The following CDH4 variants were observed in gnomAD, a reference collection of about 807,000 sequenced individuals.
CDH4 encodes cadherin 4, also known as cadherin-4.
In CDH4, 33 loss-of-function variants were observed where a neutral mutation model predicts 86.0. The observed-to-expected ratio is 0.38, with a 90% CI of 0.29 to 0.51. CDH4 has a LOEUF of 0.51. Among genes scored for constraint, CDH4 ranks in the 20% least tolerant of loss-of-function variants. The pLI is 0.86. For synonymous variants in CDH4, 555 were observed against 549.4 expected, an observed-to-expected ratio of 1.01 and a Z score of -0.14; for missense variants, 1,114 against 1,307.4, an observed-to-expected ratio of 0.85 and a Z score of 2.28.
chr20:61,630,783 G>A (rs899101338), intron 2 of CDH4, among the ~76,000 whole-genome samples: 1 of 152,218 alleles, frequency 6.6e-6, no homozygotes, highest in African/African-American at 2.4e-5. Flanking sequence ...GACTCTCTGG[G>A]TAGAAATAGG....
At chr20:61,772,835 G>A (rs1203034608) in intron 3 of CDH4, among the ~76,000 whole-genome samples, 168 bp from the exon 4 acceptor site, 1 of 150,288 alleles carries the variant, frequency 6.7e-6, no homozygotes, top group Non-Finnish European at 1.5e-5. Flanking sequence ...TTCCCTAATA[G>A]TTCCTTTCCC....
chr20:61,790,887 C>G (rs545426242), intron 4 of CDH4, among the ~76,000 whole-genome samples: 2 of 152,038 alleles, frequency 1.3e-5, no homozygotes, highest in African/African-American at 4.8e-5. Context: ...ATCCTTCCAC[C>G]CACCTACCAT....
intron 4 of CDH4, among the ~76,000 whole-genome samples, chr20:61,809,989 G>C (rs530499049): frequency 6.6e-6 from 1 of 152,160 alleles, no homozygotes; most frequent in Non-Finnish European, 1.5e-5. Flanking sequence ...GAAGACCATC[G>C]TATCAGTTGG....
At chr20:61,362,676 A>C (rs1241649081) in intron 2 of CDH4, among the ~76,000 whole-genome samples, 2 of 152,104 alleles carry the variant, frequency 1.3e-5, no homozygotes, top group African/African-American at 4.8e-5. Flanking sequence ...GTGAAGACAC[A>C]TCACAGTCCT....
chr20:61,365,992 G>A (rs28371775), intron 2 of CDH4, among the ~76,000 whole-genome samples: 122,579 of 152,148 alleles, frequency 0.81, 49,452 homozygotes, highest in South Asian at 0.9. Context: ...ACCCAAATGC[G>A]GAATTAGACA....
chr20:61,577,721 T>A (rs1047879796), intron 2 of CDH4, among the ~76,000 whole-genome samples: 1 of 152,072 alleles, frequency 6.6e-6, no homozygotes, highest in Non-Finnish European at 1.5e-5. Flanking sequence ...GATGCTTGCA[T>A]TGGAGGGAGA....
At chr20:61,828,763 T>C (rs776446504) in intron 4 of CDH4, among the ~76,000 whole-genome samples, 100 of 152,238 alleles carry the variant, frequency 6.6e-4, no homozygotes, top group Admixed American at 8.5e-4. Context: ...TCCTCACTTA[T>C]AAGCTAGGCA....
At position 61,544,404 on chromosome 20, in the gene CDH4, A is replaced by G. The variant is rs971087975; in HGVS notation, c.170-199159A>G. Among the ~76,000 whole-genome samples, 2 of 151,590 alleles carry G rather than the reference A, an allele frequency of 1.3e-5. No homozygotes were observed. The highest frequency in any genetic ancestry group is 4.8e-5 in the African/African-American group (2 of 41,276). On this transcript the variant is annotated intron_variant, in intron 2 of 15. Coordinates refer to ENST00000614565, the MANE Select transcript of CDH4 (RefSeq NM_001794.5). This position sits in a 1 kb window ranked among gnomAD's most constrained non-coding sequence, Gnocchi z 6.5. ...TAGAAATCCAGCTTGCCCAGGAGAG[A>G]GGGGTGGGACTCCTGGTGTTCACTT...
intron 2 of CDH4, among the ~76,000 whole-genome samples, chr20:61,460,945 T>G (rs1028907): frequency 3.9e-5 from 6 of 151,930 alleles, no homozygotes; most frequent in East Asian, 3.9e-4. Flanking sequence ...CATCAGCCCC[T>G]GTTAGGGCAG....
chr20:61,471,487 A>ATT (rs536207733), intron 2 of CDH4, among the ~76,000 whole-genome samples: 10 of 124,740 alleles, frequency 8.0e-5, no homozygotes, highest in African/African-American at 2.4e-4. Context: ...CATTTCATTG[A>ATT]TTTTTTTTGT....
intron 3 of CDH4, among the ~76,000 whole-genome samples, chr20:61,746,926 G>C (rs1052283729): frequency 8.5e-5 from 13 of 152,212 alleles, no homozygotes; most frequent in African/African-American, 2.9e-4. Flanking sequence ...CTTACAGAGC[G>C]TGATGCCAGC....
At chr20:61,514,135 TC>T (rs2085800093) in intron 2 of CDH4, among the ~76,000 whole-genome samples, 1 of 152,158 alleles carries the variant, frequency 6.6e-6, no homozygotes, top group Non-Finnish European at 1.5e-5. Flanking sequence ...GGCTGACAGG[TC>T]ATAGGTGGAT....
intron 2 of CDH4, among the ~76,000 whole-genome samples, chr20:61,391,377 G>A (rs906325141): frequency 1.3e-5 from 2 of 152,146 alleles, no homozygotes; most frequent in Non-Finnish European, 2.9e-5. Context: ...GGGGCAGCTG[G>A]TTTTTGTGGG....
At chr20:61,562,405 G>A (rs1042662676) in intron 2 of CDH4, among the ~76,000 whole-genome samples, 2 of 149,926 alleles carry the variant, frequency 1.3e-5, no homozygotes, top group Admixed American at 6.6e-5. Context: ...GAGAGAGGGG[G>A]ACCTTCGTGT....
chr20:61,488,837 T>G (rs1467873289), intron 2 of CDH4, among the ~76,000 whole-genome samples: 1 of 152,234 alleles, frequency 6.6e-6, no homozygotes, highest in Non-Finnish European at 1.5e-5. Context: ...CCATGGACCT[T>G]GCCATTCACA....
chr20:61,504,942 G>A (rs539002513), intron 2 of CDH4, among the ~76,000 whole-genome samples: 1 of 152,326 alleles, frequency 6.6e-6, no homozygotes, highest in South Asian at 2.1e-4. Flanking sequence ...AATAAAAGAT[G>A]AAACAGCAAA....
At chr20:61,553,803 T>C (rs2086153436) in intron 2 of CDH4, among the ~76,000 whole-genome samples, 1 of 152,244 alleles carries the variant, frequency 6.6e-6, no homozygotes, top group Non-Finnish European at 1.5e-5. Flanking sequence ...TTCCCAAAGC[T>C]GTGTTGCTGC....
intron 2 of CDH4, among the ~76,000 whole-genome samples, chr20:61,502,999 T>C (rs1230375472): frequency 2.0e-5 from 3 of 152,176 alleles, no homozygotes; most frequent in Admixed American, 6.5e-5. Context: ...TAAATGAATA[T>C]TCTTTTATTG....
At chr20:61,790,417 T>TATCCATTCATCTCTCCATCC (rs1161473081) in intron 4 of CDH4, among the ~76,000 whole-genome samples, 4 of 141,782 alleles carry the variant, frequency 2.8e-5, no homozygotes, top group African/African-American at 1.1e-4. Flanking sequence ...TCTACCCATC[T>TATCCATTCATCTCTCCATCC]ATCCATTCAT....
Sources: allele counts gnomAD v4.1 joint callset (sites outside exome capture counted in the v4.1 genomes callset), GRCh38; gene constraint gnomAD v4.1.1; non-coding constraint Gnocchi (gnomAD v3.1); transcripts MANE v1.5; gene names NCBI Gene and HGNC (gene_info 2026-07-23, HGNC 2026-07-21).